NADK2: variants seen among roughly 807,000 people sequenced by gnomAD.
The protein encoded by NADK2 is NAD kinase 2, mitochondrial, also known as NAD kinase domain-containing protein 1, mitochondrial.
Under a neutral mutation model 62.1 loss-of-function variants are expected in NADK2, and 35 were observed. The observed-to-expected ratio is 0.56, with a 90% CI of 0.43 to 0.75. The LOEUF is 0.75. Ranked by LOEUF, NADK2 falls within the 30% of genes least tolerant of loss-of-function variation. NADK2 has a pLI of 0.00. For synonymous variants in NADK2, 205 were observed against 207.9 expected, an observed-to-expected ratio of 0.99 and a Z score of 0.12; for missense variants, 439 against 561.3, an observed-to-expected ratio of 0.78 and a Z score of 2.20.
At chr5:36,202,264 ACATCTT>A (rs1561056620) in intron 8 of NADK2, among the ~76,000 whole-genome samples, 1 of 152,090 alleles carries the variant, frequency 6.6e-6, no homozygotes, top group African/African-American at 2.4e-5. Flanking sequence ...ACTGAGTATC[ACATCTT>A]CATCAACTAC....
intron 3 of NADK2, 99 bp from the exon 4 acceptor site, chr5:36,225,722 C>T (rs1422058050): frequency 1.0e-5 from 10 of 981,678 alleles, no homozygotes; most frequent in Middle Eastern, 2.1e-4. Flanking sequence ...AATCATACCC[C>T]ACCCTGCTAA....
intron 5 of NADK2, among the ~76,000 whole-genome samples, chr5:36,219,119 A>G (rs1403840348): frequency 6.6e-6 from 1 of 152,174 alleles, no homozygotes; most frequent in Non-Finnish European, 1.5e-5. Flanking sequence ...GGTAAATTAG[A>G]CCTATTTGTG....
intron 7 of NADK2, among the ~76,000 whole-genome samples, chr5:36,209,961 C>T (rs963989803): frequency 1.3e-5 from 2 of 152,096 alleles, no homozygotes; most frequent in East Asian, 3.9e-4. Flanking sequence ...CGGCACAACC[C>T]GAGTTGAGTC....
In NADK2 at chr5:36,219,625, G is replaced by T. The variant is rs141224439; in HGVS notation, c.615C>A (p.Ala205=). The T allele has an allele frequency of 2.3e-4, 375 of 1,613,902 alleles. 1 individual carries two copies. The highest frequency in any genetic ancestry group is 2.8e-4 in the Admixed American group (17 of 59,980). The part of the protein sequence containing the change: ...PVRYTHSFPE[A]LQKFYRGEFR... ...ACTCACCACGATAGAACTTCTGTAA[G>T]GCTTCTGGAAAGGAATGTGTATATC... is the stretch of plus-strand genomic sequence containing the variant. Residue 205 remains alanine (A), a synonymous_variant, in exon 5 of 12, where the codon GCC becomes GCA. Coordinates refer to ENST00000381937, the MANE Select transcript of NADK2 (RefSeq NM_001085411.3).
chr5:36,203,775 C>A (rs1012574809), intron 8 of NADK2, among the ~76,000 whole-genome samples: 4 of 152,042 alleles, frequency 2.6e-5, no homozygotes, highest in Non-Finnish European at 5.9e-5. Context: ...AAATTACACC[C>A]CTCCCCAGAC....
At chr5:36,203,986 G>A (rs1226837290) in intron 8 of NADK2, among the ~76,000 whole-genome samples, 2 of 152,068 alleles carry the variant, frequency 1.3e-5, no homozygotes, top group Non-Finnish European at 2.9e-5. Flanking sequence ...AGTGAAAAGG[G>A]CACTGATTTT....
intron 6 of NADK2, 74 bp downstream of exon 6, chr5:36,217,674 A>T: frequency 7.6e-7 from 1 of 1,313,878 alleles, no homozygotes; most frequent in Non-Finnish European, 1.1e-6. Context: ...AAATTATTAC[A>T]TCAAAAAATT....
chr5:36,231,800 G>T (rs1747718557), intron 1 of NADK2, among the ~76,000 whole-genome samples: 1 of 152,098 alleles, frequency 6.6e-6, no homozygotes, highest in African/African-American at 2.4e-5. Flanking sequence ...CTTAGACAAT[G>T]TCTTACCATT....
At chr5:36,206,502 G>T (rs1746644527) in intron 8 of NADK2, among the ~76,000 whole-genome samples, 1 of 151,034 alleles carries the variant, frequency 6.6e-6, no homozygotes, top group Admixed American at 6.6e-5. Context: ...ATATAGAGGG[G>T]AGAATGAAGA....
chr5:36,233,006 C>T (rs1019706627), intron 1 of NADK2, among the ~76,000 whole-genome samples: 3 of 152,176 alleles, frequency 2.0e-5, no homozygotes, highest in Non-Finnish European at 4.4e-5. Flanking sequence ...ACAATAGCAT[C>T]ATTTACATGA....
chr5:36,241,936 G>A, upstream of NADK2: 1 of 710,438 alleles, frequency 1.4e-6, no homozygotes, highest in Non-Finnish European at 1.8e-6. This position sits in a 1 kb window ranked among gnomAD's most constrained non-coding sequence, Gnocchi z 4.9. Flanking sequence ...CAGGACGTGC[G>A]TGGCCCACGC....
Position 36,195,114 on chromosome 5 carries a change from A to T in NADK2, c.*30T>A, listed in dbSNP as rs772559465. The T allele has an allele frequency of 1.9e-6, 3 of 1,582,746 alleles. No individual in the cohort carries two copies. In the South Asian group the frequency reaches 3.5e-5, roughly 19 times the overall value. Reference sequence around the variant, plus strand: ...TTTCTGAAGTAAAAATATTCTCGCCAGTAATCAAAATTTGTCATGAGGAAA... The same window carrying T: ...TTTCTGAAGTAAAAATATTCTCGCCTGTAATCAAAATTTGTCATGAGGAAA... On this transcript the variant is annotated 3_prime_UTR_variant, in exon 12 of 12. Transcript: ENST00000381937.
chr5:36,226,751 T>C (rs1014608789), intron 2 of NADK2, among the ~76,000 whole-genome samples, 188 bp from the exon 3 acceptor site: 3 of 152,198 alleles, frequency 2.0e-5, no homozygotes, highest in African/African-American at 7.2e-5. Context: ...TTAACTATGA[T>C]AATTAAGGAA....
At chr5:36,241,983 G>C (rs1212814197), upstream of NADK2, 1 of 354,696 alleles carries the variant, frequency 2.8e-6, no homozygotes, top group Non-Finnish European at 4.4e-6. This position sits in a 1 kb window ranked among gnomAD's most constrained non-coding sequence, Gnocchi z 4.9. Flanking sequence ...ACGAAGGCGG[G>C]GAAAGCGTGG....
At chr5:36,235,284 G>GA (rs1453046223) in intron 1 of NADK2, among the ~76,000 whole-genome samples, 6 of 152,054 alleles carry the variant, frequency 3.9e-5, no homozygotes, top group African/African-American at 1.4e-4. Context: ...CTTAGTAAAG[G>GA]AATCTACTTT....
At chr5:36,198,068 T>C (rs1329790852) in intron 10 of NADK2, among the ~76,000 whole-genome samples, 1 of 148,638 alleles carries the variant, frequency 6.7e-6, no homozygotes, top group East Asian at 3.1e-4. Context: ...ATAACGATGA[T>C]AATAAGCAAA....
chr5:36,208,681 A>G (rs1479123567), intron 7 of NADK2: 1 of 1,532,396 alleles, frequency 6.5e-7, no homozygotes, highest in Non-Finnish European at 8.7e-7. Context: ...CAGCCCAAGA[A>G]TAAGACATTC....
At chr5:36,233,293 G>C (rs1033815410) in intron 1 of NADK2, among the ~76,000 whole-genome samples, 1 of 152,048 alleles carries the variant, frequency 6.6e-6, no homozygotes, top group African/African-American at 2.4e-5. Context: ...TTTGGGCGTC[G>C]TATGAAAACA....
At chr5:36,231,827 T>G (rs1349145738) in intron 1 of NADK2, among the ~76,000 whole-genome samples, 1 of 152,202 alleles carries the variant, frequency 6.6e-6, no homozygotes. Flanking sequence ...TTAGAGAAAT[T>G]ACTGAAATTT....
Sources: allele counts gnomAD v4.1 joint callset (sites outside exome capture counted in the v4.1 genomes callset), GRCh38; gene constraint gnomAD v4.1.1; non-coding constraint Gnocchi (gnomAD v3.1); transcripts MANE v1.5; gene names NCBI Gene and HGNC (gene_info 2026-07-23, HGNC 2026-07-21).